The following SCYL2 variants were observed in gnomAD, a reference collection of about 807,000 sequenced individuals.
The protein encoded by SCYL2 is SCY1 like pseudokinase 2.
Under a neutral mutation model 100.4 loss-of-function variants are expected in SCYL2, and 36 were observed. That is an observed-to-expected ratio of 0.36 (90% CI 0.27 to 0.47). SCYL2 has a LOEUF of 0.47. SCYL2 is among the 20% of genes least tolerant of loss of function. The probability of loss-of-function intolerance (pLI) is 1.00; values close to 1 mark genes in which losing one functional copy is unlikely to be tolerated. For missense variants in SCYL2, 902 were observed against 1,083.9 expected (o/e 0.83, Z 2.36); for synonymous variants, 330 against 359.2 (o/e 0.92, Z 0.92).
intron 4 of SCYL2, among the ~76,000 whole-genome samples, chr12:100,305,257 A>G (rs2096332855): frequency 6.6e-6 from 1 of 152,212 alleles, no homozygotes; most frequent in Admixed American, 6.5e-5. Context: ...ATTGGAAGTA[A>G]AACACGCCTC....
intron 1 of SCYL2, among the ~76,000 whole-genome samples, chr12:100,270,964 T>C (rs2096286980): frequency 6.6e-6 from 1 of 152,024 alleles, no homozygotes; most frequent in Non-Finnish European, 1.5e-5. Context: ...TATGTTCGTT[T>C]TTAAAATCAG....
chr12:100,271,362 T>C (rs1284713353), intron 1 of SCYL2, among the ~76,000 whole-genome samples: 2 of 151,832 alleles, frequency 1.3e-5, no homozygotes, highest in Non-Finnish European at 2.9e-5. Context: ...TAAGCACACG[T>C]ATTTTCCCCC....
At chr12:100,279,135 A>C (rs2096295553) in intron 1 of SCYL2, among the ~76,000 whole-genome samples, 1 of 152,182 alleles carries the variant, frequency 6.6e-6, no homozygotes, top group Non-Finnish European at 1.5e-5. Context: ...CAGGGACCGG[A>C]TTCGTGGAAG....
At chr12:100,281,028 T>G (rs1037090145) in intron 1 of SCYL2, among the ~76,000 whole-genome samples, 3 of 126,980 alleles carry the variant, frequency 2.4e-5, no homozygotes, top group African/African-American at 3.3e-5. Flanking sequence ...TGTTTTTTTT[T>G]TTTTTTTTTT....
At chr12:100,285,158 TAAA>T (rs962731702) in intron 2 of SCYL2, among the ~76,000 whole-genome samples, 1 of 151,998 alleles carries the variant, frequency 6.6e-6, no homozygotes, top group Non-Finnish European at 1.5e-5. Context: ...TCCGGACCAA[TAAA>T]AAAAACACTG....
At chr12:100,308,908 C>T (rs2096338186) in intron 4 of SCYL2, among the ~76,000 whole-genome samples, 1 of 152,158 alleles carries the variant, frequency 6.6e-6, no homozygotes, top group Non-Finnish European at 1.5e-5. Flanking sequence ...GTCTCCTAGT[C>T]ACTACACTGT....
intron 3 of SCYL2, among the ~76,000 whole-genome samples, chr12:100,297,545 A>G (rs930166708): frequency 6.6e-6 from 1 of 152,362 alleles, no homozygotes; most frequent in African/African-American, 2.4e-5. Context: ...GAACTGGGCT[A>G]CTGGAGCTAG....
Position 100,338,569 on chromosome 12 carries a change from C to G in SCYL2, c.2187C>G (p.Ser729=). Reference sequence around the variant, plus strand: ...ACACACTGATGGATAATATGTCATCCTTGACCAGCCTTTCTGTTAGTACCC... The same window carrying G: ...ACACACTGATGGATAATATGTCATCGTTGACCAGCCTTTCTGTTAGTACCC... ...LTDTLMDNMS[S]LTSLSVSTPK... The change falls in exon 18 of 18, where the codon TCC becomes TCG. Residue 729 remains serine (S), a synonymous_variant. Transcript: ENST00000360820. The G allele has an allele frequency of 6.2e-7, 1 of 1,613,114 alleles. No individual in the cohort carries two copies. The highest frequency in any genetic ancestry group is 8.5e-7 in the Non-Finnish European group (1 of 1,179,436).
In SCYL2 at chr12:100,311,997, T is replaced by G. The variant is rs570710364; in HGVS notation, c.631-435T>G. Among the ~76,000 whole-genome samples, 221 of 152,280 alleles carry G rather than the reference T, an allele frequency of 1.5e-3. 2 individuals are homozygous for G. The highest frequency in any genetic ancestry group is 2.7e-3 in the Admixed American group (42 of 15,298). On this transcript the variant is annotated intron_variant, in intron 5 of 17. Coordinates refer to ENST00000360820, the MANE Select transcript of SCYL2 (RefSeq NM_017988.6). ...GTATTGGTTGGATATATATCATGAG[T>G]GGGTCAGACACTGCTAGGTCAAACT...
intron 11 of SCYL2, 166 bp downstream of exon 11, chr12:100,323,804 A>G (rs922088397): frequency 1.6e-4 from 71 of 431,994 alleles, no homozygotes; most frequent in Non-Finnish European, 4.0e-6. Context: ...TCTTTGATAC[A>G]TAATTTATAA....
At position 100,267,194 on chromosome 12, in the gene SCYL2, C is replaced by G. The variant is rs957356346; in HGVS notation, c.-627C>G. ...GGTCTTTTAGTCTTTTTCCCCCTCC[C>G]TTACTCTTCGTCCCCGGTCCCTCCC... On this transcript the variant is annotated 5_prime_UTR_variant, in exon 1 of 18. Coordinates refer to ENST00000360820, the MANE Select transcript of SCYL2 (RefSeq NM_017988.6). The G allele has an allele frequency of 2.7e-6, 3 of 1,131,792 alleles. No individual in the cohort carries two copies. Among genetic ancestry groups the G allele is most frequent in the African/African-American group, 1.6e-5 (1 of 64,274 alleles). 70.1% of individuals were successfully genotyped at this position (1,131,792 alleles called of 1,614,324 possible). A position where few individuals can be genotyped will look rare whatever the true frequency, so the allele number is the denominator to read the frequency against.
intron 4 of SCYL2, among the ~76,000 whole-genome samples, chr12:100,303,085 G>T (rs1042521406): frequency 2.0e-5 from 3 of 152,030 alleles, no homozygotes; most frequent in African/African-American, 7.2e-5. Flanking sequence ...TTCTCATGCT[G>T]TGTTTTTCAG....
intron 1 of SCYL2, among the ~76,000 whole-genome samples, chr12:100,270,010 G>T (rs1188727762): frequency 6.7e-6 from 1 of 149,416 alleles, no homozygotes; most frequent in African/African-American, 2.5e-5. Flanking sequence ...TTTGTGAGAC[G>T]GAGTGTCACT....
chr12:100,338,745 T>A lies in SCYL2; in HGVS notation c.2363T>A (p.Val788Asp). The A allele has an allele frequency of 5.6e-6, 9 of 1,614,126 alleles. No homozygotes were observed. The highest frequency in any genetic ancestry group is 6.8e-6 in the Non-Finnish European group (8 of 1,179,980). ...GFQTSGFNMP[V>D]NTNQNFYSSP... ...CAGACTTCAGGATTCAACATGCCCG[T>A]TAATACAAACCAGAACTTCTACAGT... The change falls in exon 18 of 18, where the codon GTT (valine) becomes GAT (aspartate). Residue 788 changes from valine (V) to aspartate (D), a missense_variant. Val to Asp is a radical substitution (Grantham distance 152). Coordinates refer to ENST00000360820, the MANE Select transcript of SCYL2 (RefSeq NM_017988.6).
chr12:100,300,891 A>G (rs1035685849), intron 4 of SCYL2, among the ~76,000 whole-genome samples: 1 of 152,174 alleles, frequency 6.6e-6, no homozygotes, highest in African/African-American at 2.4e-5. Context: ...GTATCTGTTC[A>G]TCTGTTGATG....
chr12:100,280,308 G>A (rs2096296724), intron 1 of SCYL2, among the ~76,000 whole-genome samples: 1 of 152,088 alleles, frequency 6.6e-6, no homozygotes, highest in Non-Finnish European at 1.5e-5. Flanking sequence ...TGAAATAATT[G>A]TAATAACATT....
intron 9 of SCYL2, among the ~76,000 whole-genome samples, chr12:100,316,277 A>G (rs2096348622): frequency 6.6e-6 from 1 of 152,202 alleles, no homozygotes; most frequent in Non-Finnish European, 1.5e-5. Flanking sequence ...TATAATATAT[A>G]TTTGCTAGAT....
At chr12:100,286,671 G>A (rs919840161) in intron 2 of SCYL2, among the ~76,000 whole-genome samples, 8 of 152,080 alleles carry the variant, frequency 5.3e-5, no homozygotes, top group Admixed American at 2.6e-4. Flanking sequence ...TCTACCAAAC[G>A]TTGGGTTGGA....
chr12:100,272,662 G>A (rs1017218993), intron 1 of SCYL2, among the ~76,000 whole-genome samples: 4 of 152,106 alleles, frequency 2.6e-5, no homozygotes, highest in Non-Finnish European at 4.4e-5. Context: ...GCTTCTATAT[G>A]TCGTTGGTAA....
Sources: allele counts gnomAD v4.1 joint callset (sites outside exome capture counted in the v4.1 genomes callset), GRCh38; gene constraint gnomAD v4.1.1; transcripts MANE v1.5; gene names NCBI Gene and HGNC (gene_info 2026-07-23, HGNC 2026-07-21).